RGS3: variants seen among roughly 807,000 people sequenced by gnomAD.
The protein encoded by RGS3 is regulator of G-protein signalling 3.
In RGS3, 80 loss-of-function variants were observed where a neutral mutation model predicts 132.6. The observed-to-expected ratio is 0.60, with a 90% CI of 0.50 to 0.73. RGS3 has a LOEUF of 0.73. Among genes scored for constraint, RGS3 ranks in the 30% least tolerant of loss-of-function variants. The pLI is 0.00. For synonymous variants in RGS3, 598 were observed against 620.6 expected (o/e 0.96, Z 0.54); for missense variants, 1,382 against 1,530.8 (o/e 0.90, Z 1.62).
chr9:113,450,954 C>T (rs539106441), intron 1 of RGS3, among the ~76,000 whole-genome samples: 61 of 151,844 alleles, frequency 4.0e-4, no homozygotes, highest in Admixed American at 3.2e-3. Context: ...CTGAGGCGGG[C>T]GGATCACGAG....
intron 1 of RGS3, among the ~76,000 whole-genome samples, chr9:113,454,022 C>T (rs1829312860): frequency 6.6e-6 from 1 of 151,944 alleles, no homozygotes; most frequent in African/African-American, 2.4e-5. Flanking sequence ...CTAAGTTGCT[C>T]AGGCTAGTCT....
intron 3 of RGS3, among the ~76,000 whole-genome samples, chr9:113,469,583 C>A (rs1030613646): frequency 6.6e-6 from 1 of 152,046 alleles, no homozygotes; most frequent in African/African-American, 2.4e-5. Flanking sequence ...AATGTGCAAT[C>A]CAGTGACTTC....
At chr9:113,510,490 G>A (rs752741151) in intron 14 of RGS3, among the ~76,000 whole-genome samples, 12 of 152,202 alleles carry the variant, frequency 7.9e-5, no homozygotes, top group Non-Finnish European at 1.6e-4. Context: ...GAAGGAGAAC[G>A]ACTTGGGTTG....
chr9:113,527,827 CT>C (rs1189107793), intron 17 of RGS3, among the ~76,000 whole-genome samples: 2 of 152,170 alleles, frequency 1.3e-5, no homozygotes, highest in African/African-American at 4.8e-5. Context: ...TTGACAATTT[CT>C]TTACTTCAAG....
rs117897555 is a variant in RGS3 at position 113,484,579 on chromosome 9, C to G, written c.620+347C>G. Among the ~76,000 whole-genome samples, 46 of 152,270 alleles carry G rather than the reference C, an allele frequency of 3.0e-4. No homozygotes were observed. The East Asian group carries it at 8.5e-3, about 28-fold the overall frequency. ...TTTCTCCTTTAGCCGAAGGAATTTT[C>G]CAAGCTGAAGGATGTTTTGCCTCCC... On this transcript the variant is annotated intron_variant, in intron 6 of 24. Coordinates refer to ENST00000350696, the Ensembl canonical transcript of RGS3.
At chr9:113,505,368 G>C in intron 10 of RGS3, 74 bp from the exon 9 acceptor site, 1 of 1,368,770 alleles carries the variant, frequency 7.3e-7, no homozygotes, top group Non-Finnish European at 1.0e-6. Context: ...GGGGTGGGCT[G>C]TGGGCTTCCT....
exon 11 of RGS3, chr9:113,505,462 G>A (rs377208005): frequency 2.7e-5 from 44 of 1,614,184 alleles, no homozygotes; most frequent in East Asian, 6.7e-5. Flanking sequence ...CGAGGGGAAA[G>A]GACGGCTTTG....
chr9:113,489,522 T>G (rs187455568), intron 7 of RGS3, among the ~76,000 whole-genome samples: 92 of 152,186 alleles, frequency 6.0e-4, no homozygotes, highest in Admixed American at 1.2e-3. Flanking sequence ...GCATTTATAG[T>G]GTAGTTTCAT....
intron 9 of RGS3, 134 bp downstream of exon 7, chr9:113,497,538 T>A: frequency 1.4e-6 from 1 of 700,242 alleles, no homozygotes; most frequent in Non-Finnish European, 2.4e-6. Flanking sequence ...TGCAGGGACT[T>A]CTCAGGAGCA....
At chr9:113,479,515 C>A (rs761932551) in exon 4 of RGS3, 1 of 1,614,200 alleles carries the variant, frequency 6.2e-7, no homozygotes, top group East Asian at 2.2e-5. Flanking sequence ...TCCATTGATG[C>A]CCAGGACCGG....
intron 6 of RGS3, among the ~76,000 whole-genome samples, 170 bp from the exon 5 acceptor site, chr9:113,485,455 A>G (rs932624191): frequency 2.6e-5 from 4 of 152,186 alleles, no homozygotes; most frequent in African/African-American, 9.7e-5. Flanking sequence ...CATAATATAA[A>G]CTGTTTTATG....
chr9:113,523,042 G>T lies in RGS3; in HGVS notation c.1870+1G>T. 1 of 1,595,482 alleles carries T rather than the reference G, an allele frequency of 6.3e-7. No individual in the cohort carries two copies. Among genetic ancestry groups the T allele is most frequent in the Non-Finnish European group, 8.6e-7 (1 of 1,163,134 alleles). ...CTCCAGAGTGTGAAGCTGCAGGAAG[G>T]TAAGCAGATGCCGTAGGTGCCCAGA... is the stretch of plus-strand genomic sequence containing the variant. On this transcript the variant is annotated splice_donor_variant, in intron 17 of 24. Coordinates refer to ENST00000350696, the Ensembl canonical transcript of RGS3. LOFTEE classifies it high-confidence loss of function.
intron 19 of RGS3, among the ~76,000 whole-genome samples, chr9:113,551,866 A>AAAAT (rs1055048574): frequency 6.6e-6 from 1 of 152,300 alleles, no homozygotes; most frequent in African/African-American, 2.4e-5. Flanking sequence ...CTCAAAAAAT[A>AAAAT]AAATAAATAA....
At chr9:113,487,812 G>GGGCC (rs1459723755) in intron 7 of RGS3, among the ~76,000 whole-genome samples, 2 of 152,206 alleles carry the variant, frequency 1.3e-5, no homozygotes, top group Non-Finnish European at 2.9e-5. Flanking sequence ...TTTCTCCTAA[G>GGGCC]GGCCGGTGGT....
In RGS3 at chr9:113,509,447, T is replaced by C. The variant is rs548367043; in HGVS notation, c.1477+867T>C. Among the ~76,000 whole-genome samples the C allele has an allele frequency of 8.5e-5, 13 of 152,292 alleles. No individual in the cohort carries two copies. The East Asian group carries it at 2.5e-3, about 29-fold the overall frequency. ...AGAGGCTATACAGAGGGTAGCTGTCTTTGAAGTGCACAGATGTCTCTGCTG... is the reference window on the plus strand; with the variant it reads ...AGAGGCTATACAGAGGGTAGCTGTCCTTGAAGTGCACAGATGTCTCTGCTG... On this transcript the variant is annotated intron_variant, in intron 14 of 24. Transcript: ENST00000350696.
intron 1 of RGS3, among the ~76,000 whole-genome samples, chr9:113,461,314 T>C (rs1829466163): frequency 6.6e-6 from 1 of 152,122 alleles, no homozygotes; most frequent in Non-Finnish European, 1.5e-5. Flanking sequence ...TCTCCTGCCT[T>C]CTTGGGGAAA....
Position 113,463,395 on chromosome 9 carries a change from G to T in RGS3, c.415+1194G>T, listed in dbSNP as rs573774650. Among the ~76,000 whole-genome samples, 215 of 152,334 alleles carry T rather than the reference G, an allele frequency of 1.4e-3. No homozygotes were observed. The highest frequency in any genetic ancestry group is 5.1e-3 in the African/African-American group (210 of 41,574). On this transcript the variant is annotated intron_variant, in intron 3 of 24. Coordinates refer to ENST00000350696, the Ensembl canonical transcript of RGS3. This position sits in a 1 kb window ranked among gnomAD's most constrained non-coding sequence, Gnocchi z 4.6. ...AAGCAGGTTATAAACCCGACTAATT[G>T]CTGGTCTAGGAGAGCTGGACGAGGA...
chr9:113,451,926 A>G (rs529267801), intron 1 of RGS3, among the ~76,000 whole-genome samples: 3 of 152,172 alleles, frequency 2.0e-5, no homozygotes, highest in South Asian at 4.1e-4. Context: ...TCTGAAAAAA[A>G]TCTTTATTTT....
intron 20 of RGS3, among the ~76,000 whole-genome samples, chr9:113,590,203 T>C (rs72763848): frequency 0.073 from 11,138 of 152,274 alleles, 539 homozygotes; most frequent in Non-Finnish European, 0.096. Flanking sequence ...ACTTAAATTC[T>C]CTGAGCCTCT....
Sources: gnomAD v4.1 joint callset for allele counts (sites outside exome capture counted in the v4.1 genomes callset) on GRCh38, gnomAD v4.1.1 for gene constraint, Gnocchi (gnomAD v3.1) non-coding constraint, MANE v1.5 for transcripts, NCBI Gene and HGNC (gene_info 2026-07-23, HGNC 2026-07-21) for gene names.